SALL2: variants seen among roughly 807,000 people sequenced by gnomAD.
The protein encoded by SALL2 is spalt like transcription factor 2, also known as sal-like protein 2.
Under a neutral mutation model 58.5 loss-of-function variants are expected in SALL2, and 32 were observed. That is an observed-to-expected ratio of 0.55 (90% CI 0.41 to 0.74). The LOEUF (loss-of-function observed/expected upper bound fraction) is 0.74, where lower values mean the gene tolerates loss of function less well. Ranked by LOEUF, SALL2 falls within the 30% of genes least tolerant of loss-of-function variation. The probability of loss-of-function intolerance (pLI) is 0.00; values close to 1 mark genes in which losing one functional copy is unlikely to be tolerated. For missense variants in SALL2, 1,201 were observed against 1,268.9 expected (o/e 0.95, Z 0.81); for synonymous variants, 516 against 513.6 (o/e 1.00, Z -0.06).
chr14:21,531,130 T>C (rs1334942646), upstream of SALL2, among the ~76,000 whole-genome samples: 2 of 152,232 alleles, frequency 1.3e-5, no homozygotes, highest in East Asian at 3.8e-4. Context: ...GGCACAATGA[T>C]TGGTACACCT....
At chr14:21,532,056 C>T (rs537641943) in intron 1 of SALL2, among the ~76,000 whole-genome samples, 29 of 152,184 alleles carry the variant, frequency 1.9e-4, no homozygotes, top group Admixed American at 1.8e-3. Context: ...AATGAGGGTA[C>T]TGCCATACAA....
chr14:21,536,719 T>C, intron 1 of SALL2: 1 of 653,428 alleles, frequency 1.5e-6, no homozygotes, highest in South Asian at 1.9e-5. Flanking sequence ...GCATCTCAAC[T>C]CCTTCAAACC....
Position 21,524,612 on chromosome 14 carries a change from C to T in SALL2, c.1110G>A (p.Arg370=). Residue 370 remains arginine, a synonymous_variant, in exon 2 of 2, where the codon AGG becomes AGA. Coordinates refer to ENST00000537235, the MANE Select transcript of SALL2 (RefSeq NM_001364564.1). ...CTTTGGCACAGAAGCGGCATTTGTG[C>T]CTTCCACCAGGCTTCTCCAAGGGAC... ...VMGPLEKPGG[R]HKCRFCAKVF... 3.1e-6 allele frequency: 5 copies of T among 1,614,210 alleles called. No individual in the cohort carries two copies. Among genetic ancestry groups the T allele is most frequent in the Non-Finnish European group, 4.2e-6 (5 of 1,180,032 alleles).
upstream of SALL2, among the ~76,000 whole-genome samples, chr14:21,527,162 T>G (rs769080232): frequency 6.6e-6 from 1 of 152,146 alleles, no homozygotes; most frequent in Non-Finnish European, 1.5e-5. Flanking sequence ...GACGCTAGCC[T>G]GCAGAGGCCT....
chr14:21,528,023 A>C (rs1892368376), upstream of SALL2, among the ~76,000 whole-genome samples: 1 of 151,968 alleles, frequency 6.6e-6, no homozygotes, highest in Admixed American at 6.6e-5. Flanking sequence ...CTTTAATCCC[A>C]GCTACTGGGG....
At chr14:21,535,662 G>C (rs1022146436) in intron 1 of SALL2, among the ~76,000 whole-genome samples, 3 of 152,186 alleles carry the variant, frequency 2.0e-5, no homozygotes, top group Non-Finnish European at 4.4e-5. Context: ...AGGTCACATA[G>C]CTAACCAAGT....
At position 21,523,570 on chromosome 14, in the gene SALL2, T is replaced by C; in HGVS notation, c.2152A>G (p.Asn718Asp). 1.9e-6 allele frequency: 3 copies of C among 1,614,198 alleles called. No homozygotes were observed. Among genetic ancestry groups the C allele is most frequent in the African/African-American group, 1.3e-5 (1 of 75,042 alleles). The change falls in exon 2 of 2, where the codon AAC becomes GAC. Residue 718 changes from asparagine to aspartate, a missense_variant. This residue lies in a region of SALL2 where 675 missense variants were observed against 683.8 expected (regional missense o/e 0.99). Coordinates refer to ENST00000537235, the MANE Select transcript of SALL2 (RefSeq NM_001364564.1). This position sits in a 1 kb window ranked among gnomAD's most constrained non-coding sequence, Gnocchi z 4.4. The part of the protein sequence containing the change: ...VRMHLGGQIP[N>D]GGTALPEGGG... ...CCTTCAGGGAGTGCAGTACCACCGT[T>C]GGGGATCTGGCCCCCCAGGTGCATC...
chr14:21,531,294 G>A (rs1892454041), upstream of SALL2, among the ~76,000 whole-genome samples: 1 of 152,152 alleles, frequency 6.6e-6, no homozygotes, highest in Admixed American at 6.5e-5. Context: ...TCAGAGATCT[G>A]ACACTCTCAT....
At chr14:21,526,919 G>T (rs1892334609), upstream of SALL2, among the ~76,000 whole-genome samples, 1 of 151,988 alleles carries the variant, frequency 6.6e-6, no homozygotes, top group Non-Finnish European at 1.5e-5. Context: ...TTCCCAGGAA[G>T]TCATTTCAGG....
In SALL2 at chr14:21,525,810, G is replaced by A. The variant is rs1373591511; in HGVS notation, c.68-156C>T. ...GAAGTCTAGAGCTCAGGCCTGATCCGTGTGGACAGGAGACAACCCGGCATG... is the reference window on the plus strand; with the variant it reads ...GAAGTCTAGAGCTCAGGCCTGATCCATGTGGACAGGAGACAACCCGGCATG... On this transcript the variant is annotated intron_variant, in intron 1 of 1. Transcript: ENST00000537235. The surrounding 1 kb of genome is among the most constrained non-coding windows in gnomAD (Gnocchi z 4.4). 6.8e-6 allele frequency among the ~76,000 whole-genome samples: 1 copy of A among 147,698 alleles called. No homozygotes were observed. The highest frequency in any genetic ancestry group is 1.5e-5 in the Non-Finnish European group (1 of 66,904).
In SALL2 at chr14:21,523,998, T is replaced by C. The variant is rs750468654; in HGVS notation, c.1724A>G (p.Tyr575Cys). The C allele has an allele frequency of 9.9e-6, 16 of 1,614,056 alleles. No homozygotes were observed. Among genetic ancestry groups the C allele is most frequent in the Middle Eastern group, 1.6e-4 (1 of 6,084 alleles). Residue 575 changes from tyrosine to cysteine, a missense_variant, in exon 2 of 2, where the codon TAT becomes TGT. Transcript: ENST00000537235. This position sits in a 1 kb window ranked among gnomAD's most constrained non-coding sequence, Gnocchi z 4.4. ...TGAGGCCCCCAAGGGCTCTAGCACATAGGGGAAGGGGAAGCTGCCAGTGGA... is the reference window on the plus strand; with the variant it reads ...TGAGGCCCCCAAGGGCTCTAGCACACAGGGGAAGGGGAAGCTGCCAGTGGA... ...FKSTGSFPFP[Y>C]VLEPLGASPS...
chr14:21,523,458 G>A lies in SALL2; in HGVS notation c.2264C>T (p.Ser755Leu), dbSNP rs1258678521. 17 of 1,614,016 alleles carry A rather than the reference G, an allele frequency of 1.1e-5. No individual in the cohort carries two copies. The Middle Eastern group carries it at 6.6e-4, about 62-fold the overall frequency. Residue 755 changes from serine to leucine, a missense_variant, in exon 2 of 2, where the codon TCA becomes TTA. Ser to Leu is a moderately radical substitution (Grantham distance 145). Around this residue, in one of 3 missense-constraint regions of SALL2, gnomAD observed 675 missense variants for 683.8 expected, o/e 0.99. Transcript: ENST00000537235. The surrounding 1 kb of genome is among the most constrained non-coding windows in gnomAD (Gnocchi z 4.4). Reference protein sequence around the residue: ...SFPQQQSQQPSPEEELSEEEE... With the variant: ...SFPQQQSQQPLPEEELSEEEE... ...CTCCTCAGACAACTCCTCTTCCGGT[G>A]ATGGCTGCTGGGACTGCTGCTGGGG... is the stretch of plus-strand genomic sequence containing the variant.
rs1489801062 is a variant in SALL2, at chr14:21,525,228, G to A, written c.494C>T (p.Pro165Leu). The A allele has an allele frequency of 1.9e-6, 3 of 1,612,538 alleles. No homozygotes were observed. In the African/African-American group the frequency reaches 4.0e-5, roughly 22 times the overall value. The change falls in exon 2 of 2, where the codon CCT becomes CTT. Residue 165 changes from proline (P) to leucine (L), a missense_variant. Transcript: ENST00000537235. The surrounding 1 kb of genome is among the most constrained non-coding windows in gnomAD (Gnocchi z 4.4). Reference protein sequence around the residue: ...TPAPPPPPPPPPPPGVGSGHL... With the variant: ...TPAPPPPPPPLPPPGVGSGHL... ...GCCACTGCCTACCCCTGGGGGCGGA[G>A]GGGGTGGTGGAGGAGGAGGGGGTGC... is the stretch of plus-strand genomic sequence containing the variant.
At position 21,522,687 on chromosome 14, in the gene SALL2, G is replaced by A; in HGVS notation, c.*17C>T. The A allele has an allele frequency of 6.6e-7, 1 of 1,514,200 alleles. No homozygotes were observed. Among genetic ancestry groups the A allele is most frequent in the Non-Finnish European group, 8.8e-7 (1 of 1,132,254 alleles). 93.8% of individuals were successfully genotyped at this position (1,514,200 alleles called of 1,614,324 possible). On this transcript the variant is annotated 3_prime_UTR_variant, in exon 2 of 2. Transcript: ENST00000537235. The stretch of plus-strand genomic sequence containing the variant: ...CTGCTCTGTGGGACAAAGAGCAGCA[G>A]GTACAGAAAAACAGGCTCATGGGAT...
chr14:21,522,750 G>C lies in SALL2; in HGVS notation c.2972C>G (p.Thr991Arg). The C allele has an allele frequency of 1.3e-6, 2 of 1,557,382 alleles. No individual in the cohort carries two copies. The highest frequency in any genetic ancestry group is 1.7e-6 in the Non-Finnish European group (2 of 1,155,344). ...VPGCSPSITSTGLSPFPRKDD... is the reference protein window; with the variant it reads ...VPGCSPSITSRGLSPFPRKDD... ...TTTTCGGGGAAAGGGGGAGAGCCCTGTGGAGGTGATGGAAGGCGAACAGCC... is the reference window on the plus strand; with the variant it reads ...TTTTCGGGGAAAGGGGGAGAGCCCTCTGGAGGTGATGGAAGGCGAACAGCC... Residue 991 changes from threonine to arginine, a missense_variant, in exon 2 of 2, where the codon ACA becomes AGA. Coordinates refer to ENST00000537235, the MANE Select transcript of SALL2 (RefSeq NM_001364564.1).
intron 1 of SALL2, among the ~76,000 whole-genome samples, chr14:21,531,410 T>C (rs1483758872): frequency 6.6e-6 from 1 of 152,190 alleles, no homozygotes; most frequent in Non-Finnish European, 1.5e-5. Flanking sequence ...GAGTTTGTTT[T>C]CTTATTTTTT....
chr14:21,535,402 C>T (rs1892573715), intron 1 of SALL2, among the ~76,000 whole-genome samples: 1 of 151,480 alleles, frequency 6.6e-6, no homozygotes, highest in South Asian at 2.1e-4. Flanking sequence ...GAAATGCTGA[C>T]GTTTGCCAAG....
chr14:21,527,915 G>A (rs951363162), upstream of SALL2, among the ~76,000 whole-genome samples: 13 of 151,704 alleles, frequency 8.6e-5, no homozygotes, highest in Non-Finnish European at 1.5e-4. Context: ...TGGGAGGTGG[G>A]CAGATCACGA....
upstream of SALL2, among the ~76,000 whole-genome samples, chr14:21,531,095 G>T (rs1349990093): frequency 6.6e-6 from 1 of 152,120 alleles, no homozygotes; most frequent in East Asian, 1.9e-4. Context: ...TGTAACTATG[G>T]CCTATGTAAC....
Sources: gnomAD v4.1 joint callset for allele counts (sites outside exome capture counted in the v4.1 genomes callset) on GRCh38, gnomAD v4.1.1 for gene constraint, gnomAD v4.1.1 regional missense constraint, Gnocchi (gnomAD v3.1) non-coding constraint, MANE v1.5 for transcripts, NCBI Gene and HGNC (gene_info 2026-07-23, HGNC 2026-07-21) for gene names.